HS6ST3: variants seen among roughly 807,000 people sequenced by gnomAD.
The protein encoded by HS6ST3 is heparan sulfate 6-O-sulfotransferase 3.
A neutral mutation model predicts 36.7 loss-of-function variants in HS6ST3; 12 were observed. That is an observed-to-expected ratio of 0.33 (90% CI 0.21 to 0.53). The LOEUF (loss-of-function observed/expected upper bound fraction) is 0.53. Ranked by LOEUF, HS6ST3 falls within the 20% of genes least tolerant of loss-of-function variation. The pLI is 0.95. For synonymous variants in HS6ST3, 240 were observed against 257.5 expected (o/e 0.93, Z 0.65); for missense variants, 584 against 640.9 (o/e 0.91, Z 0.96).
intron 1 of HS6ST3, among the ~76,000 whole-genome samples, chr13:96,202,806 A>C (rs2054349530): frequency 6.6e-6 from 1 of 152,188 alleles, no homozygotes; most frequent in Non-Finnish European, 1.5e-5. Context: ...AGGTTCACAG[A>C]ATGGAAAGTC....
intron 1 of HS6ST3, among the ~76,000 whole-genome samples, chr13:96,311,432 T>C (rs942502962): frequency 7.9e-5 from 12 of 152,120 alleles, no homozygotes; most frequent in African/African-American, 2.9e-4. Context: ...GGTGGGCGCT[T>C]TCCAGAAGTC....
intron 1 of HS6ST3, among the ~76,000 whole-genome samples, chr13:96,140,347 G>A (rs1221730005): frequency 6.6e-6 from 1 of 152,140 alleles, no homozygotes; most frequent in African/African-American, 2.4e-5. Flanking sequence ...TTAAAACACT[G>A]TGTGACACTA....
intron 1 of HS6ST3, among the ~76,000 whole-genome samples, chr13:96,272,047 T>TA (rs1294717659): frequency 6.6e-6 from 1 of 152,052 alleles, no homozygotes; most frequent in African/African-American, 2.4e-5. Context: ...GAAGCCAAGG[T>TA]ATTTATTTAA....
intron 1 of HS6ST3, among the ~76,000 whole-genome samples, chr13:96,094,918 C>A (rs890014220): frequency 6.6e-6 from 1 of 152,118 alleles, no homozygotes; most frequent in African/African-American, 2.4e-5. Context: ...CTTTCTCACT[C>A]TCTTTATGCT....
intron 1 of HS6ST3, among the ~76,000 whole-genome samples, chr13:96,160,598 G>A (rs542966337): frequency 1.1e-4 from 17 of 152,164 alleles, no homozygotes; most frequent in Non-Finnish European, 2.2e-4. Flanking sequence ...TCTTTCTCGT[G>A]ACCCCGAGTT....
chr13:96,706,204 C>T (rs189780541), intron 1 of HS6ST3, among the ~76,000 whole-genome samples: 106 of 151,902 alleles, frequency 7.0e-4, no homozygotes, highest in Non-Finnish European at 1.3e-3. Context: ...TCCTCTTCCC[C>T]TAGGACCATA....
At chr13:96,753,542 C>T (rs1369265233) in intron 1 of HS6ST3, among the ~76,000 whole-genome samples, 1 of 151,950 alleles carries the variant, frequency 6.6e-6, no homozygotes, top group Non-Finnish European at 1.5e-5. Flanking sequence ...AATGTTTGAT[C>T]TTATTTTTAG....
At position 96,799,974 on chromosome 13, in the gene HS6ST3, ATATATATGTATATATATATATATG is replaced by A. The variant is rs1566456810; in HGVS notation, c.708-32508_708-32485del. Among the ~76,000 whole-genome samples the A allele has an allele frequency of 7.9e-4, 70 of 88,672 alleles. 1 individual carries two copies. The highest frequency in any genetic ancestry group is 3.5e-3 in the African/African-American group (54 of 15,330). The allele number at this position is 88,672 out of a possible 152,430, so 58.2% of individuals were successfully genotyped here. ...TATATATATATATATGTGTATATATATATATATGTATATATATATATATGTATATATATATATATGTATATATAT... is the reference window on the plus strand; with the variant it reads ...TATATATATATATATGTGTATATATATATATATATATATATGTATATATAT... On this transcript the variant is annotated intron_variant, in intron 1 of 1. Coordinates refer to ENST00000376705, the MANE Select transcript of HS6ST3 (RefSeq NM_153456.4).
At chr13:96,690,728 A>T (rs1874933674) in intron 1 of HS6ST3, among the ~76,000 whole-genome samples, 1 of 152,122 alleles carries the variant, frequency 6.6e-6, no homozygotes, top group Non-Finnish European at 1.5e-5. Context: ...CATGGAAACT[A>T]CCTAGGGGTA....
At chr13:96,449,677 A>G (rs2055717657) in intron 1 of HS6ST3, among the ~76,000 whole-genome samples, 1 of 152,240 alleles carries the variant, frequency 6.6e-6, no homozygotes, top group Admixed American at 6.5e-5. Flanking sequence ...ATATATGTGT[A>G]TAACTCTATA....
At chr13:96,647,766 C>G (rs2056593950) in intron 1 of HS6ST3, among the ~76,000 whole-genome samples, 1 of 151,554 alleles carries the variant, frequency 6.6e-6, no homozygotes, top group Admixed American at 6.6e-5. Flanking sequence ...TTTTCTGAAT[C>G]TGTTATACTT....
At chr13:96,720,271 A>T (rs900283041) in intron 1 of HS6ST3, among the ~76,000 whole-genome samples, 1 of 152,206 alleles carries the variant, frequency 6.6e-6, no homozygotes, top group Non-Finnish European at 1.5e-5. Flanking sequence ...CTACAAGACC[A>T]TGACCATCTT....
At chr13:96,371,997 A>G (rs928403888) in intron 1 of HS6ST3, among the ~76,000 whole-genome samples, 1 of 152,138 alleles carries the variant, frequency 6.6e-6, no homozygotes, top group African/African-American at 2.4e-5. Context: ...CTGGATATGT[A>G]TCCGGGGTGG....
chr13:96,119,652 ACT>A (rs2053915474), intron 1 of HS6ST3, among the ~76,000 whole-genome samples: 1 of 152,116 alleles, frequency 6.6e-6, no homozygotes, highest in Non-Finnish European at 1.5e-5. Flanking sequence ...CCCACTTCCT[ACT>A]GTAGAGTATA....
chr13:96,434,135 C>G (rs186930786), intron 1 of HS6ST3, among the ~76,000 whole-genome samples: 7 of 152,208 alleles, frequency 4.6e-5, no homozygotes, highest in Admixed American at 4.6e-4. Context: ...TGATGTCAGA[C>G]TTTTAGCCTC....
chr13:96,234,645 T>C (rs1294196250), intron 1 of HS6ST3, among the ~76,000 whole-genome samples: 2 of 152,058 alleles, frequency 1.3e-5, no homozygotes, highest in Admixed American at 1.3e-4. Flanking sequence ...TCATGAGACT[T>C]ACTATCATGA....
At chr13:96,717,383 T>C (rs1017013583) in intron 1 of HS6ST3, among the ~76,000 whole-genome samples, 4 of 152,146 alleles carry the variant, frequency 2.6e-5, no homozygotes, top group African/African-American at 9.7e-5. Flanking sequence ...AGAATAAAAG[T>C]GTCTGGCCCC....
At chr13:96,504,304 C>G (rs1171190233) in intron 1 of HS6ST3, among the ~76,000 whole-genome samples, 1 of 152,140 alleles carries the variant, frequency 6.6e-6, no homozygotes, top group Non-Finnish European at 1.5e-5. Flanking sequence ...CTCTCACATC[C>G]ATGACTGCTA....
At chr13:96,789,161 T>C (rs1566454161) in intron 1 of HS6ST3, among the ~76,000 whole-genome samples, 2 of 151,522 alleles carry the variant, frequency 1.3e-5, no homozygotes, top group Admixed American at 6.6e-5. Flanking sequence ...TCTCTATCAG[T>C]TTTTAAATAT....
Sources: gnomAD v4.1 joint callset for allele counts (sites outside exome capture counted in the v4.1 genomes callset) on GRCh38, gnomAD v4.1.1 for gene constraint, MANE v1.5 for transcripts, NCBI Gene and HGNC (gene_info 2026-07-23, HGNC 2026-07-21) for gene names.